Variants in LBR observed in about 807,000 individuals in gnomAD.
The protein encoded by LBR is delta(14)-sterol reductase LBR.
LBR carries 28 observed loss-of-function variants against 74.3 expected under a neutral mutation model. The observed-to-expected ratio is 0.38, with a 90% CI of 0.28 to 0.52. LBR has a LOEUF of 0.52. Ranked by LOEUF, LBR falls within the 20% of genes least tolerant of loss-of-function variation. The pLI is 0.89. For missense variants in LBR, 717 were observed against 760.3 expected (o/e 0.94, Z 0.67); for synonymous variants, 228 against 269.3 (o/e 0.85, Z 1.50).
At chr1:225,415,676 G>A (rs2150952839) in intron 6 of LBR, among the ~76,000 whole-genome samples, 1 of 152,142 alleles carries the variant, frequency 6.6e-6, no homozygotes, top group Non-Finnish European at 1.5e-5. Flanking sequence ...TGGATCCCTA[G>A]CTCAAACATC....
At chr1:225,423,092 A>G (rs142422187) in intron 2 of LBR, among the ~76,000 whole-genome samples, 267 of 152,338 alleles carry the variant, frequency 1.8e-3, no homozygotes, top group African/African-American at 6.1e-3. Context: ...GCTCGTTACT[A>G]ATCTGTGCAA....
At chr1:225,409,163 T>TA (rs10681295) in intron 10 of LBR, among the ~76,000 whole-genome samples, 28 of 151,766 alleles carry the variant, frequency 1.8e-4, no homozygotes, top group Admixed American at 7.9e-4. Context: ...TTAAAGTCAA[T>TA]TTGAAGTGTT....
At chr1:225,420,181 G>A (rs1358460852) in intron 3 of LBR, among the ~76,000 whole-genome samples, 1 of 151,934 alleles carries the variant, frequency 6.6e-6, no homozygotes, top group African/African-American at 2.4e-5. Context: ...ACGGTAGCGG[G>A]CACCTGTAAT....
At chr1:225,427,621 C>G (rs1157847511) in intron 1 of LBR, 1 of 152,372 alleles carries the variant, frequency 6.6e-6, no homozygotes, top group Non-Finnish European at 1.5e-5. Context: ...CCCACGAACC[C>G]TCCCTGCCGC....
chr1:225,425,264 C>T (rs1303627671), intron 1 of LBR, among the ~76,000 whole-genome samples: 1 of 152,122 alleles, frequency 6.6e-6, no homozygotes, highest in Non-Finnish European at 1.5e-5. Context: ...TTAACCACCA[C>T]ATTTTTTCAC....
intron 10 of LBR, among the ~76,000 whole-genome samples, chr1:225,408,141 C>T (rs1006667458): frequency 6.6e-6 from 1 of 152,158 alleles, no homozygotes; most frequent in Non-Finnish European, 1.5e-5. Context: ...CTCCTCCTAT[C>T]GAGTGGTAAT....
At chr1:225,413,967 C>T (rs2096111629) in intron 7 of LBR, 1 of 456,626 alleles carries the variant, frequency 2.2e-6, no homozygotes, top group Non-Finnish European at 4.4e-6. Context: ...GAATTGGTAC[C>T]TACAGAGAAA....
intron 7 of LBR, among the ~76,000 whole-genome samples, chr1:225,412,859 A>G (rs2096109095): frequency 3.9e-5 from 6 of 152,232 alleles, no homozygotes; most frequent in Admixed American, 3.9e-4. Flanking sequence ...AAATAGTTTA[A>G]CATATTGATT....
At chr1:225,421,319 C>G (rs1418970224) in intron 3 of LBR, among the ~76,000 whole-genome samples, 1 of 152,216 alleles carries the variant, frequency 6.6e-6, no homozygotes, top group Non-Finnish European at 1.5e-5. Context: ...CGGTGAAACC[C>G]TGTCTCTACT....
At chr1:225,404,569 A>C (rs1048930195) in intron 12 of LBR, 43 bp from the exon 13 acceptor site, 16 of 1,567,426 alleles carry the variant, frequency 1.0e-5, no homozygotes, top group Non-Finnish European at 1.4e-5. Flanking sequence ...GTCGAGACAA[A>C]AAGAAAAATA....
rs1279023094 is a variant in LBR, at chr1:225,404,389, T to C, written c.1687+15A>G. ...GGCTAAAAGGGTCAAACTAGCACTCTTCTGAAATGCTTACCACATGGGAGG... is the reference window on the plus strand; with the variant it reads ...GGCTAAAAGGGTCAAACTAGCACTCCTCTGAAATGCTTACCACATGGGAGG... On this transcript the variant is annotated intron_variant, in intron 13 of 13. Transcript: ENST00000272163. 4 of 1,613,674 alleles carry C rather than the reference T, an allele frequency of 2.5e-6. No individual in the cohort carries two copies. Among genetic ancestry groups the C allele is most frequent in the Non-Finnish European group, 3.4e-6 (4 of 1,180,004 alleles).
At position 225,422,489 on chromosome 1, in the gene LBR, A is replaced by G. The variant is rs569400309; in HGVS notation, c.166-212T>C. The stretch of plus-strand genomic sequence containing the variant: ...TTCATGAGACAAATGCAGCCTTTCC[A>G]TTCCTGTTCTTTGAAGGTATTTCCA... On this transcript the variant is annotated intron_variant, in intron 2 of 13. Transcript: ENST00000272163. 1.9e-4 allele frequency: 112 copies of G among 583,962 alleles called. No homozygotes were observed. In the Middle Eastern group the frequency reaches 3.2e-3, roughly 17 times the overall value. 36.2% of individuals were successfully genotyped at this position (583,962 alleles called of 1,614,324 possible). A position where few individuals can be genotyped will look rare whatever the true frequency, so the allele number is the denominator to read the frequency against.
At chr1:225,428,247 T>TG (rs1314910883), upstream of LBR, among the ~76,000 whole-genome samples, 2 of 151,840 alleles carry the variant, frequency 1.3e-5, no homozygotes, top group African/African-American at 4.8e-5. Flanking sequence ...CCACCCTGCC[T>TG]GGGGGCGGGG....
At chr1:225,427,596 G>A (rs1009565874) in intron 1 of LBR, 3 of 152,362 alleles carry the variant, frequency 2.0e-5, no homozygotes, top group African/African-American at 7.2e-5. Flanking sequence ...GCTGCGGTGG[G>A]GCAGGACAAA....
intron 9 of LBR, among the ~76,000 whole-genome samples, chr1:225,411,003 A>C (rs2096104136): frequency 6.6e-6 from 1 of 152,224 alleles, no homozygotes; most frequent in Non-Finnish European, 1.5e-5. Flanking sequence ...CTCTATCTGC[A>C]ACTCCAAGCC....
chr1:225,416,923 A>G (rs1339681845), intron 6 of LBR, among the ~76,000 whole-genome samples: 2 of 152,202 alleles, frequency 1.3e-5, no homozygotes, highest in Non-Finnish European at 2.9e-5. Flanking sequence ...CAGCATCCTC[A>G]GATTTTGGTA....
chr1:225,411,544 C>T (rs2096105655), intron 8 of LBR, 104 bp from the exon 9 acceptor site: 2 of 838,776 alleles, frequency 2.4e-6, no homozygotes, highest in Non-Finnish European at 4.1e-6. Flanking sequence ...CCACTGCCTG[C>T]AAGACCCTGA....
In LBR at chr1:225,404,439, T is replaced by A; in HGVS notation, c.1652A>T (p.Asp551Val). ...GGACCACGCCAAGGCCATGATGAGA[T>A]CACCCAAGTAATTGGGGTGGCGAAC... ...GFVRHPNYLG[D>V]LIMALAWSLP... The change falls in exon 13 of 14, where the codon GAT (aspartate) becomes GTT (valine). Residue 551 changes from aspartate (D) to valine (V), a missense_variant. By Grantham distance (152) the Asp-to-Val change is radical. Coordinates refer to ENST00000272163, the MANE Select transcript of LBR (RefSeq NM_002296.4). 6.2e-7 allele frequency: 1 copy of A among 1,614,198 alleles called. No homozygotes were observed. The highest frequency in any genetic ancestry group is 2.2e-5 in the East Asian group (1 of 44,880).
rs2150941926 is a variant in LBR at position 225,403,166 on chromosome 1, C to T, written c.*137G>A. ...TATTAAAAGATCAACTACTCGGCTC[C>T]ATAGTCCTGACTCAAAAAGAAAAAA... is the stretch of plus-strand genomic sequence containing the variant. On this transcript the variant is annotated 3_prime_UTR_variant, in exon 14 of 14. Transcript: ENST00000272163. 1.3e-6 allele frequency: 1 copy of T among 749,460 alleles called. No homozygotes were observed. The highest frequency in any genetic ancestry group is 2.3e-6 in the Non-Finnish European group (1 of 435,212). 46.4% of individuals were successfully genotyped at this position (749,460 alleles called of 1,614,324 possible).
Sources: allele counts gnomAD v4.1 joint callset (sites outside exome capture counted in the v4.1 genomes callset), GRCh38; gene constraint gnomAD v4.1.1; transcripts MANE v1.5; gene names NCBI Gene and HGNC (gene_info 2026-07-23, HGNC 2026-07-21).